Variants in CFAP44 observed in about 807,000 individuals in gnomAD.
CFAP44 encodes the protein cilia and flagella associated protein 44, also known as cilia- and flagella-associated protein 44.
In CFAP44, 134 loss-of-function variants were observed where a neutral mutation model predicts 216.2. That is an observed-to-expected ratio of 0.62 (90% confidence interval 0.54 to 0.72). The LOEUF (loss-of-function observed/expected upper bound fraction) is 0.72, where lower values mean the gene tolerates loss of function less well. CFAP44 is among the 30% of genes least tolerant of loss of function. CFAP44 has a pLI of 0.00. For missense variants in CFAP44, 2,035 were observed against 2,182.1 expected, an observed-to-expected ratio of 0.93 and a Z score of 1.34; for synonymous variants, 700 against 727.6, an observed-to-expected ratio of 0.96 and a Z score of 0.61.
chr3:113,358,915 A>G, intron 21 of CFAP44, 40 bp from the exon 22 acceptor site: 7 of 1,520,214 alleles, frequency 4.6e-6, no homozygotes, highest in Non-Finnish European at 6.1e-6. Flanking sequence ...TGGGTACTGT[A>G]TCAACTCTGT....
intron 13 of CFAP44, among the ~76,000 whole-genome samples, chr3:113,399,101 G>C (rs550745863): frequency 6.6e-6 from 1 of 152,268 alleles, no homozygotes; most frequent in African/African-American, 2.4e-5. Flanking sequence ...CACATGGAGA[G>C]GGTGTTAGGT....
chr3:113,361,500 T>TG (rs201692129), intron 21 of CFAP44, among the ~76,000 whole-genome samples: 2 of 122,674 alleles, frequency 1.6e-5, no homozygotes, highest in African/African-American at 7.1e-5. Context: ...CCTGTTTTGT[T>TG]TTTTTTTTTT....
chr3:113,436,694 T>C (rs1935248308), intron 1 of CFAP44, among the ~76,000 whole-genome samples: 1 of 152,180 alleles, frequency 6.6e-6, no homozygotes, highest in African/African-American at 2.4e-5. Flanking sequence ...AGGTCCCAAA[T>C]AAGTGAAGGC....
At chr3:113,416,796 C>T (rs1050839218) in intron 5 of CFAP44, among the ~76,000 whole-genome samples, 169 bp from the exon 6 acceptor site, 1 of 152,120 alleles carries the variant, frequency 6.6e-6, no homozygotes, top group Non-Finnish European at 1.5e-5. Flanking sequence ...ACAATTGAAA[C>T]TGAAAACTAG....
chr3:113,393,405 C>T (rs936013682), intron 15 of CFAP44, among the ~76,000 whole-genome samples: 17 of 151,978 alleles, frequency 1.1e-4, no homozygotes, highest in Admixed American at 3.9e-4. Context: ...TTGGGTCTTG[C>T]GGGTGGATGC....
rs899518739 is a variant in CFAP44, at chr3:113,317,470, C to T, written c.4516+8975G>A. Among the ~76,000 whole-genome samples, 4 of 152,226 alleles carry T rather than the reference C, an allele frequency of 2.6e-5. No individual in the cohort carries two copies. In the South Asian group the frequency reaches 6.2e-4, roughly 24 times the overall value. The stretch of plus-strand genomic sequence containing the variant: ...CTGCCAGTCACTGCCGGGGCCCATG[C>T]CTCACCGCCCTGCAGGAGCAGCTAT... On this transcript the variant is annotated intron_variant, in intron 28 of 34. Coordinates refer to ENST00000393845, the MANE Select transcript of CFAP44 (RefSeq NM_001164496.2).
At chr3:113,319,340 A>G (rs1310806770) in intron 28 of CFAP44, among the ~76,000 whole-genome samples, 1 of 152,244 alleles carries the variant, frequency 6.6e-6, no homozygotes, top group South Asian at 2.1e-4. Context: ...AGGATAATGA[A>G]GAGCATCACA....
intron 2 of CFAP44, among the ~76,000 whole-genome samples, chr3:113,431,758 G>A (rs1457358755): frequency 6.6e-6 from 1 of 152,146 alleles, no homozygotes; most frequent in African/African-American, 2.4e-5. Flanking sequence ...TGCAAATTTT[G>A]CATGTGTATT....
Position 113,425,513 on chromosome 3 carries a change from C to T in CFAP44, c.407+611G>A, listed in dbSNP as rs112799197. On this transcript the variant is annotated intron_variant, in intron 4 of 34. Coordinates refer to ENST00000393845, the MANE Select transcript of CFAP44 (RefSeq NM_001164496.2). ...CCAATTAAAACTTTATATTTTGTGC[C>T]CTGTTTCCTAAGAATTGTCTTCTCT... Among the ~76,000 whole-genome samples, 1,245 of 152,196 alleles carry T rather than the reference C, an allele frequency of 8.2e-3. 21 individuals carry two copies. The highest frequency in any genetic ancestry group is 0.028 in the African/African-American group (1,182 of 41,502).
Position 113,363,320 on chromosome 3 carries a change from A to G in CFAP44, c.2772-13T>C, listed in dbSNP as rs1950559082. 1 of 1,595,546 alleles carries G rather than the reference A, an allele frequency of 6.3e-7. No homozygotes were observed. Among genetic ancestry groups the G allele is most frequent in the Admixed American group, 1.8e-5 (1 of 55,556 alleles). On this transcript the variant is annotated splice_polypyrimidine_tract_variant and intron_variant, in intron 20 of 34. Coordinates refer to ENST00000393845, the MANE Select transcript of CFAP44 (RefSeq NM_001164496.2). ...AGCATTCTCGATACTGAAAACAGAA[A>G]TTTAAAACAATAACAGGTTGTGATA...
intron 28 of CFAP44, among the ~76,000 whole-genome samples, chr3:113,322,745 G>A (rs991002876): frequency 7.2e-5 from 11 of 152,088 alleles, no homozygotes; most frequent in African/African-American, 2.7e-4. Flanking sequence ...TATACACAAA[G>A]GAAAATAGAT....
At chr3:113,413,063 A>G (rs1311865220) in intron 6 of CFAP44, among the ~76,000 whole-genome samples, 1 of 152,154 alleles carries the variant, frequency 6.6e-6, no homozygotes, top group Non-Finnish European at 1.5e-5. Flanking sequence ...AATAATTGCC[A>G]TTCTGACTGG....
chr3:113,360,407 G>C (rs1559922941), intron 21 of CFAP44: 2 of 230,736 alleles, frequency 8.7e-6, no homozygotes, highest in Non-Finnish European at 1.9e-5. Flanking sequence ...ATTGGGGTTT[G>C]ACAGTATTGG....
At chr3:113,362,773 G>A (rs1418869084) in intron 21 of CFAP44, 5 of 522,254 alleles carry the variant, frequency 9.6e-6, no homozygotes, top group Middle Eastern at 4.1e-4. Flanking sequence ...AGTTCCCAAC[G>A]AAGCCAGCCA....
At chr3:113,396,892 A>G (rs1443540349) in intron 13 of CFAP44, among the ~76,000 whole-genome samples, 165 bp from the exon 14 acceptor site, 1 of 152,174 alleles carries the variant, frequency 6.6e-6, no homozygotes, top group African/African-American at 2.4e-5. Flanking sequence ...ATAGTTCCTT[A>G]TAACCAATGA....
At chr3:113,392,811 A>G (rs1313418759) in intron 15 of CFAP44, among the ~76,000 whole-genome samples, 1 of 152,194 alleles carries the variant, frequency 6.6e-6, no homozygotes, top group Non-Finnish European at 1.5e-5. Context: ...TGTCTTAGAG[A>G]AACTATAATG....
rs200117088 is a variant in CFAP44, at chr3:113,394,724, T to TA, written c.1890+1025dup. Among the ~76,000 whole-genome samples, 1,343 of 147,362 alleles carry TA rather than the reference T, an allele frequency of 9.1e-3. 20 individuals are homozygous for TA. Among genetic ancestry groups the TA allele is most frequent in the African/African-American group, 0.031 (1,256 of 40,390 alleles). ...CTAACACTAACAACAGCTGACGAGC[T>TA]AAAAAAAAAAATTGCAAAATATCTC... is the stretch of plus-strand genomic sequence containing the variant. On this transcript the variant is annotated intron_variant, in intron 15 of 34. Transcript: ENST00000393845.
At chr3:113,314,959 A>G (rs561295294) in intron 28 of CFAP44, among the ~76,000 whole-genome samples, 2 of 152,288 alleles carry the variant, frequency 1.3e-5, no homozygotes, top group South Asian at 4.1e-4. Context: ...AACACTACAA[A>G]AAATTAAAAT....
chr3:113,341,765 C>G lies in CFAP44; in HGVS notation c.3416G>C (p.Arg1139Pro), dbSNP rs1345977528. The G allele has an allele frequency of 1.4e-6, 2 of 1,480,174 alleles. No homozygotes were observed. The highest frequency in any genetic ancestry group is 5.1e-5 in the East Asian group (2 of 39,196). 91.7% of individuals were successfully genotyped at this position (1,480,174 alleles called of 1,614,324 possible). ...AERAQLKIQQ[R>P]KKEWEELYKS... ...TCACAGTTCCTCCCATTCTTTTTTT[C>G]GCTGTTGAATCTTTAGTTGTGCCCT... is the stretch of plus-strand genomic sequence containing the variant. The change falls in exon 24 of 35, where the codon CGA (arginine) becomes CCA (proline). Residue 1139 changes from arginine (R) to proline (P), a missense_variant. Coordinates refer to ENST00000393845, the MANE Select transcript of CFAP44 (RefSeq NM_001164496.2).
Sources: gnomAD v4.1 joint callset for allele counts (sites outside exome capture counted in the v4.1 genomes callset) on GRCh38, gnomAD v4.1.1 for gene constraint, MANE v1.5 for transcripts, NCBI Gene and HGNC (gene_info 2026-07-23, HGNC 2026-07-21) for gene names.